EMC1: variants seen among roughly 807,000 people sequenced by gnomAD.
EMC1 encodes the protein ER membrane protein complex subunit 1.
Under a neutral mutation model 128.8 loss-of-function variants are expected in EMC1, and 103 were observed. That is an observed-to-expected ratio of 0.80 (90% confidence interval 0.68 to 0.94). The LOEUF (loss-of-function observed/expected upper bound fraction) is 0.94. Among genes scored for constraint, EMC1 ranks in the 40% least tolerant of loss-of-function variants. The probability of loss-of-function intolerance (pLI) is 0.00; values close to 1 mark genes in which losing one functional copy is unlikely to be tolerated. For missense variants in EMC1, 1,083 were observed against 1,250.6 expected (o/e 0.87, Z 2.02); for synonymous variants, 442 against 490.4 (o/e 0.90, Z 1.30).
In EMC1 at chr1:19,242,362, C is replaced by T. The variant is rs1433159937; in HGVS notation, c.492G>A (p.Val164=). The part of the protein sequence containing the change: ...HHLSSGHLKW[V]EHLPESDSIH... ...AGCCTTACCTTTCTGGGAGATGTTC[C>T]ACCCACTTGAGGTGCCCACTGGAGA... Residue 164 remains valine, a synonymous_variant, in exon 5 of 23, where the codon GTG becomes GTA. Transcript: ENST00000477853. 6.2e-7 allele frequency: 1 copy of T among 1,614,202 alleles called. No individual in the cohort carries two copies. Among genetic ancestry groups the T allele is most frequent in the African/African-American group, 1.3e-5 (1 of 75,048 alleles).
At chr1:19,249,196 C>T (rs1041119152) in intron 1 of EMC1, among the ~76,000 whole-genome samples, 3 of 152,102 alleles carry the variant, frequency 2.0e-5, no homozygotes, top group Admixed American at 6.6e-5. Context: ...TTAGTATAGT[C>T]TAAATGCACA....
chr1:19,231,277 A>G lies in EMC1; in HGVS notation c.1928T>C (p.Ile643Thr), dbSNP rs1307511146. The G allele has an allele frequency of 6.2e-7, 1 of 1,600,534 alleles. No individual in the cohort carries two copies. Among genetic ancestry groups the G allele is most frequent in the African/African-American group, 1.4e-5 (1 of 73,728 alleles). Residue 643 changes from isoleucine (I) to threonine (T), a missense_variant, in exon 16 of 23, where the codon ATA (isoleucine) becomes ACA (threonine). Physicochemically the swap from Ile to Thr is moderately conservative, Grantham distance 89. Around this residue, in one of 3 missense-constraint regions of EMC1, gnomAD observed 527 missense variants for 644.1 expected, o/e 0.82. Transcript: ENST00000477853. ...AGACAGTACCTTGTATTCATCATCT[A>G]TCAACAGCAACACCTTGGCGTAGTC... ...DQDYAKVLLL[I>T]DDEYKVTAFP...
Position 19,244,652 on chromosome 1 carries a change from G to A in EMC1, c.220+254C>T, listed in dbSNP as rs10917270. 49,722 of 340,464 alleles carry A rather than the reference G, an allele frequency of 0.15. 4,069 individuals carry two copies. Among genetic ancestry groups the A allele is most frequent in the African/African-American group, 0.23 (10,665 of 46,760 alleles). The allele number at this position is 340,464 out of a possible 1,614,324, so 21.1% of individuals were successfully genotyped here. A position where few individuals can be genotyped will look rare whatever the true frequency, so the allele number is the denominator to read the frequency against. On this transcript the variant is annotated intron_variant, in intron 2 of 22. Transcript: ENST00000477853. The stretch of plus-strand genomic sequence containing the variant: ...ACTCCTGAGCTCAAGTGATCCTCCC[G>A]CCTGGGCTTGCAGCAATATCTTATT...
chr1:19,251,310 G>A, intron 1 of EMC1, 105 bp downstream of exon 1: 1 of 1,083,554 alleles, frequency 9.2e-7, no homozygotes, highest in Admixed American at 2.1e-5. Context: ...ACTGGGTCCT[G>A]CAAATTATGC....
intron 19 of EMC1, 185 bp from the exon 20 acceptor site, chr1:19,223,019 A>G (rs1187682699): frequency 1.7e-6 from 1 of 580,182 alleles, no homozygotes; most frequent in African/African-American, 1.9e-5. Context: ...TAGGCTATCG[A>G]AAGTTCACCA....
At chr1:19,221,635 C>CAAAAAAAA (rs34802728) in intron 20 of EMC1, 3 of 66,216 alleles carry the variant, frequency 4.5e-5, no homozygotes, top group Non-Finnish European at 9.3e-5. Flanking sequence ...GACTCTGTCT[C>CAAAAAAAA]AAAAAAAAAA....
intron 1 of EMC1, among the ~76,000 whole-genome samples, chr1:19,248,418 T>C (rs1027102907): frequency 6.6e-6 from 1 of 151,744 alleles, no homozygotes; most frequent in Non-Finnish European, 1.5e-5. Flanking sequence ...ACCTGTTTTT[T>C]GTTTTGTTTT....
intron 17 of EMC1, among the ~76,000 whole-genome samples, chr1:19,228,982 T>C (rs2093499442): frequency 6.6e-6 from 1 of 152,084 alleles, no homozygotes; most frequent in Non-Finnish European, 1.5e-5. Flanking sequence ...AGGCAGAGGT[T>C]GCAGTGAGCT....
chr1:19,232,139 G>A (rs2093527852), intron 15 of EMC1, among the ~76,000 whole-genome samples: 1 of 152,176 alleles, frequency 6.6e-6, no homozygotes, highest in African/African-American at 2.4e-5. Flanking sequence ...GCGTGTGCCT[G>A]TAATCCCAGC....
Position 19,239,852 on chromosome 1 carries a change from TA to T in EMC1, c.919del (p.Tyr307MetfsTer4). On this transcript the variant is annotated frameshift_variant, in exon 8 of 23. Transcript: ENST00000477853. LOFTEE classifies it high-confidence loss of function. ...GTTTTTAAGCAAACTCAGCGTTCCATAATGGTACTGCAGCAGAGCATAGTGG... is the reference window on the plus strand; with the variant it reads ...GTTTTTAAGCAAACTCAGCGTTCCATATGGTACTGCAGCAGAGCATAGTGG... The part of the protein sequence containing the change: ...PSHYALLQYH[Y>X]GTLSLLKNFP... 6.2e-7 allele frequency: 1 copy of T among 1,613,980 alleles called. No individual in the cohort carries two copies. Among genetic ancestry groups the T allele is most frequent in the African/African-American group, 1.3e-5 (1 of 75,018 alleles).
intron 15 of EMC1, 101 bp from the exon 16 acceptor site, chr1:19,231,523 T>C: frequency 4.0e-6 from 5 of 1,256,926 alleles, no homozygotes; most frequent in Non-Finnish European, 5.5e-6. Context: ...CTGTGGGGGT[T>C]CTCTAGTCTT....
rs1486922811 is a variant in EMC1, at chr1:19,222,631, G to A, written c.2580C>T (p.His860=). ...GGCTCCCCAGTCACTCACTCAGCAG[G>A]TGTCGGCTGGTGATGCCCCGTTCGG... The part of the protein sequence containing the change: ...TITERGITSR[H]LLIGLPSGAI... The change falls in exon 20 of 23, where the codon CAC becomes CAT. Residue 860 remains histidine (H), a synonymous_variant. Transcript: ENST00000477853. The A allele has an allele frequency of 6.2e-7, 1 of 1,613,618 alleles. No homozygotes were observed. Among genetic ancestry groups the A allele is most frequent in the Non-Finnish European group, 8.5e-7 (1 of 1,179,932 alleles).
chr1:19,251,423 C>T lies in EMC1; in HGVS notation c.87G>A (p.Lys29=), dbSNP rs144966257. 10 of 1,614,154 alleles carry T rather than the reference C, an allele frequency of 6.2e-6. No individual in the cohort carries two copies. The African/African-American group carries it at 9.3e-5, about 15-fold the overall frequency. The change falls in exon 1 of 23, where the codon AAG becomes AAA. Residue 29 remains lysine (K), a synonymous_variant. Coordinates refer to ENST00000477853, the MANE Select transcript of EMC1 (RefSeq NM_015047.3). ...GTTCCACACGTACGCACCAATCAAA[C>T]TTGCCCACTTGGTCTTCGTAGACCG... ...AAAVYEDQVG[K]FDWRQQYVGK... is the part of the protein sequence containing the mutation.
rs2151961187 is a variant in EMC1, at chr1:19,242,369, T to C, written c.485A>G (p.Lys162Arg). The C allele has an allele frequency of 1.2e-6, 2 of 1,614,192 alleles. No individual in the cohort carries two copies. The highest frequency in any genetic ancestry group is 1.7e-6 in the Non-Finnish European group (2 of 1,180,032). Reference protein sequence around the residue: ...ALHHLSSGHLKWVEHLPESDS... With the variant: ...ALHHLSSGHLRWVEHLPESDS... ...CCTTTCTGGGAGATGTTCCACCCAC[T>C]TGAGGTGCCCACTGGAGAGGTGATG... The change falls in exon 5 of 23, where the codon AAG becomes AGG. Residue 162 changes from lysine (K) to arginine (R), a missense_variant. Coordinates refer to ENST00000477853, the MANE Select transcript of EMC1 (RefSeq NM_015047.3).
At chr1:19,234,754 G>A (rs2151951737) in intron 13 of EMC1, among the ~76,000 whole-genome samples, 1 of 152,202 alleles carries the variant, frequency 6.6e-6, no homozygotes, top group African/African-American at 2.4e-5. Flanking sequence ...GCTGAGGCAG[G>A]AGAGCTGCTT....
chr1:19,228,456 A>C (rs1170827093), intron 17 of EMC1, among the ~76,000 whole-genome samples: 1 of 152,176 alleles, frequency 6.6e-6, no homozygotes, highest in Non-Finnish European at 1.5e-5. Flanking sequence ...ATTATTATAC[A>C]TCCATCCTAT....
At chr1:19,241,428 G>C (rs2093604986) in intron 5 of EMC1, among the ~76,000 whole-genome samples, 1 of 152,210 alleles carries the variant, frequency 6.6e-6, no homozygotes, top group Non-Finnish European at 1.5e-5. Context: ...GGGTAAGGCT[G>C]CCCCCTCCAG....
intron 17 of EMC1, among the ~76,000 whole-genome samples, chr1:19,230,549 G>A (rs534325097): frequency 1.3e-5 from 2 of 151,850 alleles, no homozygotes; most frequent in Non-Finnish European, 1.5e-5. Flanking sequence ...CAGCCCGGGC[G>A]ACAGTGCAAG....
chr1:19,239,403 G>C, intron 8 of EMC1, 101 bp from the exon 9 acceptor site: 3 of 1,014,520 alleles, frequency 3.0e-6, no homozygotes, highest in African/African-American at 1.6e-5. Context: ...CCTTAGAGTT[G>C]AAAGTGCTCC....
Sources: gnomAD v4.1 joint callset for allele counts (sites outside exome capture counted in the v4.1 genomes callset) on GRCh38, gnomAD v4.1.1 for gene constraint, gnomAD v4.1.1 regional missense constraint, MANE v1.5 for transcripts, NCBI Gene and HGNC (gene_info 2026-07-23, HGNC 2026-07-21) for gene names.